SLC9A7: variants seen among roughly 807,000 people sequenced by gnomAD.
The protein encoded by SLC9A7 is sodium/hydrogen exchanger 7.
In SLC9A7, 19 loss-of-function variants were observed where a neutral mutation model predicts 52.6. That is an observed-to-expected ratio of 0.36 (90% CI 0.25 to 0.53). The LOEUF is 0.53. Among genes scored for constraint, SLC9A7 ranks in the 20% least tolerant of loss-of-function variants. The pLI is 0.91. For synonymous variants in SLC9A7, 226 were observed against 252.1 expected (o/e 0.90, Z 0.98); for missense variants, 455 against 597.9 (o/e 0.76, Z 2.49).
chrX:46,756,407 T>G (rs1922672370), intron 1 of SLC9A7, among the ~76,000 whole-genome samples: 2 of 112,514 alleles, frequency 1.8e-5, no homozygotes, highest in South Asian at 7.2e-4. Flanking sequence ...ATCATTTCAT[T>G]GTGTTTATCA....
chrX:46,655,038 G>T (rs1248891844), intron 7 of SLC9A7, among the ~76,000 whole-genome samples: 1 of 96,746 alleles, frequency 1.0e-5, no homozygotes, highest in African/African-American at 4.0e-5. Context: ...AAGCTGGAGT[G>T]CAATGGCACG....
rs1468714004 is a variant in SLC9A7, at chrX:46,716,366, A to C, written c.326-33831T>G. Among the ~76,000 whole-genome samples, 5 of 112,060 alleles carry C rather than the reference A, an allele frequency of 4.5e-5. No individual in the cohort carries two copies. In the Admixed American group the frequency reaches 4.7e-4, roughly 11 times the overall value. On this transcript the variant is annotated intron_variant, in intron 1 of 16. Transcript: ENST00000616978. ...AGAAGAAACAAACATTGATAAACCA[A>C]GAAAGGAATCCCTATTGCCTGCCTT...
chrX:46,704,032 C>T (rs1022869885), intron 1 of SLC9A7, among the ~76,000 whole-genome samples: 3 of 111,351 alleles, frequency 2.7e-5, no homozygotes, highest in Non-Finnish European at 5.7e-5. Flanking sequence ...CAGCTAAATA[C>T]TAAAGTAAGC....
At chrX:46,738,202 T>C (rs1460442861) in intron 1 of SLC9A7, among the ~76,000 whole-genome samples, 1 of 112,709 alleles carries the variant, frequency 8.9e-6, no homozygotes, top group Non-Finnish European at 1.9e-5. Flanking sequence ...CCTGAGTTGC[T>C]ATAATTCAAA....
intron 7 of SLC9A7, among the ~76,000 whole-genome samples, chrX:46,661,304 A>G (rs1345803083): frequency 4.5e-5 from 5 of 110,590 alleles, no homozygotes; most frequent in Non-Finnish European, 9.5e-5. Flanking sequence ...GCGCACCAGC[A>G]TGGCACATGT....
chrX:46,727,996 A>G (rs1441597392), intron 1 of SLC9A7, among the ~76,000 whole-genome samples: 1 of 112,243 alleles, frequency 8.9e-6, no homozygotes, highest in African/African-American at 3.2e-5. Flanking sequence ...TAAAAATTGT[A>G]TTAATCTCTT....
At chrX:46,611,316 A>G (rs1942845191) in intron 16 of SLC9A7, among the ~76,000 whole-genome samples, 1 of 112,466 alleles carries the variant, frequency 8.9e-6, no homozygotes, top group Non-Finnish European at 1.9e-5. Context: ...TAGATATTAC[A>G]TTTAAAACTT....
chrX:46,624,434 A>T (rs910957880), intron 14 of SLC9A7, among the ~76,000 whole-genome samples: 6 of 112,135 alleles, frequency 5.4e-5, no homozygotes, highest in African/African-American at 1.6e-4. Context: ...ATACAAAAAG[A>T]CCCTACATAT....
intron 3 of SLC9A7, among the ~76,000 whole-genome samples, chrX:46,676,222 G>A: frequency 9.0e-6 from 1 of 111,187 alleles, no homozygotes. Flanking sequence ...CGGGGGGGCA[G>A]TATTGCGGGA....
chrX:46,614,933 A>G (rs1942919550), intron 15 of SLC9A7, among the ~76,000 whole-genome samples: 1 of 112,588 alleles, frequency 8.9e-6, no homozygotes, highest in Non-Finnish European at 1.9e-5. Context: ...GAGCAGCACA[A>G]GAGAAAAGCA....
At chrX:46,733,971 C>A (rs746121392) in intron 1 of SLC9A7, among the ~76,000 whole-genome samples, 2 of 112,144 alleles carry the variant, frequency 1.8e-5, no homozygotes, top group Admixed American at 9.5e-5. Context: ...GGGGAAAAAA[C>A]CAAGATTCCA....
intron 1 of SLC9A7, among the ~76,000 whole-genome samples, chrX:46,726,793 T>G (rs1944952012): frequency 9.0e-6 from 1 of 111,637 alleles, no homozygotes; most frequent in Non-Finnish European, 1.9e-5. Context: ...TACAGCTACT[T>G]GTGTCCCTCA....
intron 1 of SLC9A7, among the ~76,000 whole-genome samples, chrX:46,747,818 T>C (rs1921892345): frequency 9.0e-6 from 1 of 111,716 alleles, no homozygotes; most frequent in Non-Finnish European, 1.9e-5. Flanking sequence ...GGAATACAAG[T>C]CAAAGCCACA....
chrX:46,668,268 G>A (rs1171455266), intron 5 of SLC9A7, among the ~76,000 whole-genome samples: 6 of 111,954 alleles, frequency 5.4e-5, no homozygotes, highest in Non-Finnish European at 1.1e-4. Flanking sequence ...CCAGCACTTT[G>A]GGAGGCCGAG....
intron 7 of SLC9A7, among the ~76,000 whole-genome samples, chrX:46,654,320 T>G: frequency 9.1e-6 from 1 of 110,225 alleles, no homozygotes; most frequent in Non-Finnish European, 1.9e-5. Context: ...CAGGCAGAGG[T>G]TGCAGTGAGC....
chrX:46,708,525 G>A (rs1424098500), intron 1 of SLC9A7, among the ~76,000 whole-genome samples: 1 of 107,473 alleles, frequency 9.3e-6, no homozygotes, highest in Non-Finnish European at 1.9e-5. Context: ...GTGAGACTCC[G>A]TCTCAAAAAA....
At position 46,620,981 on chromosome X, in the gene SLC9A7, G is replaced by T; in HGVS notation, c.1819C>A (p.His607Asn). 8.4e-7 allele frequency: 1 copy of T among 1,196,442 alleles called. No homozygotes were observed. Among genetic ancestry groups the T allele is most frequent in the Non-Finnish European group, 1.1e-6 (1 of 883,532 alleles). Residue 607 changes from histidine (H) to asparagine (N), a missense_variant, in exon 15 of 17, where the codon CAC (histidine) becomes AAC (asparagine). Transcript: ENST00000616978. ...WIFRLWYSFD[H>N]NYLKPILTHS... ...GGATGCTACTTAAAAGGATACTTGT[G>T]ATCAAAGCTGTACCACAGCCTGAAT...
At chrX:46,649,520 G>C (rs1943548887) in intron 10 of SLC9A7, among the ~76,000 whole-genome samples, 1 of 112,012 alleles carries the variant, frequency 8.9e-6, no homozygotes, top group South Asian at 3.7e-4. Flanking sequence ...CAGGGAAACT[G>C]GTCCTTTGTT....
chrX:46,681,196 T>G (rs1212306035), intron 2 of SLC9A7, among the ~76,000 whole-genome samples: 2 of 112,418 alleles, frequency 1.8e-5, no homozygotes, highest in Non-Finnish European at 3.8e-5. Flanking sequence ...TTTCTAAAGA[T>G]AAGAGAGCAA....
Sources: allele counts gnomAD v4.1 joint callset (sites outside exome capture counted in the v4.1 genomes callset), GRCh38; gene constraint gnomAD v4.1.1; transcripts MANE v1.5; gene names NCBI Gene and HGNC (gene_info 2026-07-23, HGNC 2026-07-21).